SRSF6: variants seen among roughly 807,000 people sequenced by gnomAD.
The protein encoded by SRSF6 is serine and arginine rich splicing factor 6.
SRSF6 carries 17 observed loss-of-function variants against 42.0 expected under a neutral mutation model. The ratio of observed to expected loss-of-function variants is 0.40; its 90% confidence interval spans 0.28 to 0.61. The LOEUF (loss-of-function observed/expected upper bound fraction) is 0.61. Among genes scored for constraint, SRSF6 ranks in the 20% least tolerant of loss-of-function variants. SRSF6 has a pLI of 0.37. For missense variants in SRSF6, 379 were observed against 471.4 expected (o/e 0.80, Z 1.81); for synonymous variants, 204 against 166.7 (o/e 1.22, Z -1.72).
At position 43,460,211 on chromosome 20, in the gene SRSF6, A is replaced by G. The variant is rs2145323433; in HGVS notation, c.560A>G (p.His187Arg). Reference protein sequence around the residue: ...RLIEDKPRTSHRRSYSGSRSR... With the variant: ...RLIEDKPRTSRRRSYSGSRSR... Reference sequence around the variant, plus strand: ...ATTGAAGATAAGCCACGCACAAGCCATAGGCGATCTTACTCTGGAAGCAGA... The same window carrying G: ...ATTGAAGATAAGCCACGCACAAGCCGTAGGCGATCTTACTCTGGAAGCAGA... The change falls in exon 4 of 6, where the codon CAT becomes CGT. Residue 187 changes from histidine to arginine, a missense_variant. His to Arg is a conservative substitution (Grantham distance 29, BLOSUM62 0). Transcript: ENST00000244020. 1.2e-6 allele frequency: 2 copies of G among 1,614,230 alleles called. No individual in the cohort carries two copies. Among genetic ancestry groups the G allele is most frequent in the Non-Finnish European group, 1.7e-6 (2 of 1,180,026 alleles).
rs138134428 is a variant in SRSF6 at position 43,460,462 on chromosome 20, G to A, written c.591-53G>A. ...CTTATCTATTTTTGCCAGATGGCACGGATGTATTTAAGTTGGATTGGGATT... is the reference window on the plus strand; with the variant it reads ...CTTATCTATTTTTGCCAGATGGCACAGATGTATTTAAGTTGGATTGGGATT... On this transcript the variant is annotated intron_variant, in intron 4 of 5. Transcript: ENST00000244020. 7.6e-4 allele frequency: 1,195 copies of A among 1,571,706 alleles called. 18 individuals are homozygous for A. In the African/African-American group the frequency reaches 0.013, roughly 18 times the overall value.
Position 43,457,898 on chromosome 20 carries a change from T to A in SRSF6, c.-136T>A, listed in dbSNP as rs530844228. ...AAAGCCTGGCGCGCGCGCGCGCCAT[T>A]GTGTGGCTGGACTCGGCCGCCCCTG... On this transcript the variant is annotated 5_prime_UTR_variant, in exon 1 of 6. Coordinates refer to ENST00000244020, the MANE Select transcript of SRSF6 (RefSeq NM_006275.6). 2.0e-5 allele frequency: 13 copies of A among 634,402 alleles called. No homozygotes were observed. Among genetic ancestry groups the A allele is most frequent in the East Asian group, 1.2e-4 (4 of 32,054 alleles). 39.3% of individuals were successfully genotyped at this position (634,402 alleles called of 1,614,324 possible). A position where few individuals can be genotyped will look rare whatever the true frequency, so the allele number is the denominator to read the frequency against.
At position 43,460,710 on chromosome 20, in the gene SRSF6, T is replaced by A; in HGVS notation, c.682T>A (p.Ser228Thr). 1 of 1,613,254 alleles carries A rather than the reference T, an allele frequency of 6.2e-7. No homozygotes were observed. The highest frequency in any genetic ancestry group is 8.5e-7 in the Non-Finnish European group (1 of 1,179,296). The change falls in exon 6 of 6, where the codon TCG (serine) becomes ACG (threonine). Residue 228 changes from serine to threonine, a missense_variant. Ser to Thr is a moderately conservative substitution (Grantham distance 58). Transcript: ENST00000244020. ...SISKSRSRSRSRSKGRSRSRS... is the reference protein window; with the variant it reads ...SISKSRSRSRTRSKGRSRSRS... ...CGGTCTTTCCTTGTCCAGTTCCAGG[T>A]CGCGGAGCAAAGGTCGATCACGTTC... is the stretch of plus-strand genomic sequence containing the variant.
chr20:43,457,978 C>G lies in SRSF6; in HGVS notation c.-56C>G, dbSNP rs369972093. The G allele has an allele frequency of 2.0e-5, 30 of 1,466,096 alleles. No individual in the cohort carries two copies. In the East Asian group the frequency reaches 3.6e-4, roughly 18 times the overall value. 90.8% of individuals were successfully genotyped at this position (1,466,096 alleles called of 1,614,324 possible). A position where few individuals can be genotyped will look rare whatever the true frequency, so the allele number is the denominator to read the frequency against. On this transcript the variant is annotated 5_prime_UTR_variant, in exon 1 of 6. Transcript: ENST00000244020. The stretch of plus-strand genomic sequence containing the variant: ...CGTCCCCGCACCCGCACCGCGGTTA[C>G]TGGCTTGCGGTCCGCCGTTCGACAA...
intron 2 of SRSF6, among the ~76,000 whole-genome samples, chr20:43,458,999 A>G (rs1177412398): frequency 6.6e-6 from 1 of 152,120 alleles, no homozygotes. Flanking sequence ...CACAAAGTAG[A>G]TCTAAATAAG....
chr20:43,460,003 T>G, intron 3 of SRSF6, 30 bp from the exon 4 acceptor site: 1 of 1,613,960 alleles, frequency 6.2e-7, no homozygotes, highest in Non-Finnish European at 8.5e-7. Context: ...TGTTTTAAGA[T>G]TTCCGAGTCT....
At chr20:43,459,103 C>T (rs1170666127) in intron 2 of SRSF6, 3 of 1,342,950 alleles carry the variant, frequency 2.2e-6, no homozygotes, top group Non-Finnish European at 3.0e-6. Context: ...TAAATTGTTG[C>T]ATGTTGAATT....
rs2017590018 is a variant in SRSF6 at position 43,461,337 on chromosome 20, G to GTTTTTTTTGTTTTTTTT, written c.*282_*283insGTTTTTTTTTTTTTTTT. 2.3e-5 allele frequency: 1 copy of GTTTTTTTTGTTTTTTTT among 43,768 alleles called. No homozygotes were observed. Among genetic ancestry groups the GTTTTTTTTGTTTTTTTT allele is most frequent in the African/African-American group, 8.2e-5 (1 of 12,192 alleles). 2.7% of individuals were successfully genotyped at this position (43,768 alleles called of 1,614,324 possible). On this transcript the variant is annotated 3_prime_UTR_variant, in exon 6 of 6. Transcript: ENST00000244020. ...GTAAAGATTAAGCTCATTTAGTGTT[G>GTTTTTTTTGTTTTTTTT]TTTTTTTTTTTTTTTTTTTTTTTTT...
intron 2 of SRSF6, chr20:43,459,553 T>A: frequency 3.1e-6 from 4 of 1,301,174 alleles, no homozygotes; most frequent in Non-Finnish European, 4.1e-6. Flanking sequence ...GAGCAGTCAC[T>A]CTCTAACAGA....
Position 43,457,921 on chromosome 20 carries a change from C to A in SRSF6, c.-113C>A, listed in dbSNP as rs776366422. 5.7e-6 allele frequency: 5 copies of A among 874,532 alleles called. No individual in the cohort carries two copies. The Admixed American group carries it at 6.6e-5, about 12-fold the overall frequency. 54.2% of individuals were successfully genotyped at this position (874,532 alleles called of 1,614,324 possible). ...ATTGTGTGGCTGGACTCGGCCGCCC[C>A]TGTGGTGTGAGGCGCGTGTTCGGGC... On this transcript the variant is annotated 5_prime_UTR_variant, in exon 1 of 6. It adds an upstream start codon to the 5' untranslated region. Coordinates refer to ENST00000244020, the MANE Select transcript of SRSF6 (RefSeq NM_006275.6).
chr20:43,460,383 G>T (rs2017564544), intron 4 of SRSF6, 132 bp from the exon 5 acceptor site: 2 of 1,240,640 alleles, frequency 1.6e-6, no homozygotes, highest in Admixed American at 2.1e-5. Flanking sequence ...TTCTTTTCTG[G>T]ATGTTTTGAA....
rs568488963 is a variant in SRSF6 at position 43,457,897 on chromosome 20, T to C, written c.-137T>C. 4.6e-4 allele frequency: 280 copies of C among 606,790 alleles called. 1 individual carries two copies. The highest frequency in any genetic ancestry group is 4.1e-3 in the African/African-American group (206 of 50,542). The allele number at this position is 606,790 out of a possible 1,614,324, so 37.6% of individuals were successfully genotyped here. A position where few individuals can be genotyped will look rare whatever the true frequency, so the allele number is the denominator to read the frequency against. ...GAAAGCCTGGCGCGCGCGCGCGCCA[T>C]TGTGTGGCTGGACTCGGCCGCCCCT... On this transcript the variant is annotated 5_prime_UTR_variant, in exon 1 of 6. Transcript: ENST00000244020.
In SRSF6 at chr20:43,461,349, T is replaced by C. The variant is rs867632418; in HGVS notation, c.*286T>C. ...CTCATTTAGTGTTGTTTTTTTTTTT[T>C]TTTTTTTTTTTTTTTTTTTTTTTTT... On this transcript the variant is annotated 3_prime_UTR_variant, in exon 6 of 6. Coordinates refer to ENST00000244020, the MANE Select transcript of SRSF6 (RefSeq NM_006275.6). 1 of 120,840 alleles carries C rather than the reference T, an allele frequency of 8.3e-6. No individual in the cohort carries two copies. Among genetic ancestry groups the C allele is most frequent in the East Asian group, 1.1e-4 (1 of 8,906 alleles). 7.5% of individuals were successfully genotyped at this position (120,840 alleles called of 1,614,324 possible).
intron 1 of SRSF6, 68 bp from the exon 2 acceptor site, chr20:43,458,293 G>GGCGCGGGCACGT: frequency 7.0e-7 from 1 of 1,422,294 alleles, no homozygotes; most frequent in Non-Finnish European, 9.2e-7. Flanking sequence ...GTGGGGTACG[G>GGCGCGGGCACGT]GCGCGCGCAC....
Position 43,458,469 on chromosome 20 carries a change from C to T in SRSF6, c.216C>T (p.Gly72=), listed in dbSNP as rs1306292970. ...GCGTGATCGTAGAGCACGCCCGGGG[C>T]CCGCGTCGCGATCGCGACGGCTACA... The part of the protein sequence containing the change: ...GERVIVEHAR[G]PRRDRDGYSY... The change falls in exon 2 of 6, where the codon GGC becomes GGT. Residue 72 remains glycine (G), a synonymous_variant. Transcript: ENST00000244020. The T allele has an allele frequency of 6.6e-7, 1 of 1,516,960 alleles. No homozygotes were observed. Among genetic ancestry groups the T allele is most frequent in the Non-Finnish European group, 8.8e-7 (1 of 1,137,290 alleles). 94.0% of individuals were successfully genotyped at this position (1,516,960 alleles called of 1,614,324 possible).
rs1351949206 is a variant in SRSF6, at chr20:43,460,605, A to G, written c.674+7A>G. 3 of 1,614,050 alleles carry G rather than the reference A, an allele frequency of 1.9e-6. No homozygotes were observed. In the African/African-American group the frequency reaches 4.0e-5, roughly 22 times the overall value. On this transcript the variant is annotated splice_region_variant and intron_variant, in intron 5 of 5. Coordinates refer to ENST00000244020, the MANE Select transcript of SRSF6 (RefSeq NM_006275.6). ...TCTCAAAAAGTCGCTCCCGGTAAAT[A>G]ACGTTGTGTTGAGTCACTGTGAATA... is the stretch of plus-strand genomic sequence containing the variant.
In SRSF6 at chr20:43,461,081, G is replaced by A. The variant is rs1323797421; in HGVS notation, c.*18G>A. 5 of 1,539,698 alleles carry A rather than the reference G, an allele frequency of 3.2e-6. No homozygotes were observed. Among genetic ancestry groups the A allele is most frequent in the Non-Finnish European group, 4.4e-6 (5 of 1,146,016 alleles). ...GAGATTAACTCAGAACTCCTTGTTTGCACATTATTATGGAACACTTTCCTA... is the reference window on the plus strand; with the variant it reads ...GAGATTAACTCAGAACTCCTTGTTTACACATTATTATGGAACACTTTCCTA... On this transcript the variant is annotated 3_prime_UTR_variant, in exon 6 of 6. Coordinates refer to ENST00000244020, the MANE Select transcript of SRSF6 (RefSeq NM_006275.6).
rs141082119 is a variant in SRSF6, at chr20:43,459,641, G to A, written c.257-130G>A. 3.5e-5 allele frequency: 51 copies of A among 1,454,028 alleles called. No individual in the cohort carries two copies. In the East Asian group the frequency reaches 7.2e-4, roughly 21 times the overall value. The allele number at this position is 1,454,028 out of a possible 1,614,324, so 90.1% of individuals were successfully genotyped here. A position where few individuals can be genotyped will look rare whatever the true frequency, so the allele number is the denominator to read the frequency against. ...TTTTATGGCAAATCACAAATGTGTCGAAGGTTTAGCAATATAATAGCAAAG... is the reference window on the plus strand; with the variant it reads ...TTTTATGGCAAATCACAAATGTGTCAAAGGTTTAGCAATATAATAGCAAAG... On this transcript the variant is annotated intron_variant, in intron 2 of 5. Coordinates refer to ENST00000244020, the MANE Select transcript of SRSF6 (RefSeq NM_006275.6).
chr20:43,459,663 A>G, intron 2 of SRSF6, 108 bp from the exon 3 acceptor site: 3 of 1,541,236 alleles, frequency 1.9e-6, no homozygotes, highest in Non-Finnish European at 2.7e-6. Context: ...ATATAATAGC[A>G]AAGTCCTACT....
Sources: gnomAD v4.1 joint callset for allele counts (sites outside exome capture counted in the v4.1 genomes callset) on GRCh38, gnomAD v4.1.1 for gene constraint, MANE v1.5 for transcripts, NCBI Gene and HGNC (gene_info 2026-07-23, HGNC 2026-07-21) for gene names.